The following NPAS3 variants were observed in gnomAD, a reference collection of about 807,000 sequenced individuals.
NPAS3 encodes neuronal PAS domain-containing protein 3.
NPAS3 carries 14 observed loss-of-function variants against 73.1 expected under a neutral mutation model. The observed-to-expected ratio is 0.19, with a 90% confidence interval of 0.13 to 0.30. The LOEUF (loss-of-function observed/expected upper bound fraction) is 0.30, where lower values mean the gene tolerates loss of function less well. NPAS3 is among the 10% of genes least tolerant of loss of function. The pLI is 1.00. For synonymous variants in NPAS3, 620 were observed against 541.5 expected (o/e 1.14, Z -2.01); for missense variants, 1,096 against 1,250.0 (o/e 0.88, Z 1.86).
chr14:33,315,048 G>A (rs2043152201), intron 3 of NPAS3, among the ~76,000 whole-genome samples: 1 of 152,010 alleles, frequency 6.6e-6, no homozygotes, highest in East Asian at 1.9e-4. Context: ...AATTATCTGT[G>A]TAAATACTGT....
chr14:33,795,997 G>A (rs2063502023), intron 10 of NPAS3, among the ~76,000 whole-genome samples: 3 of 152,202 alleles, frequency 2.0e-5, no homozygotes, highest in African/African-American at 7.2e-5. Context: ...AGTGATCTGT[G>A]AGCCCCCAAA....
At chr14:33,385,827 C>T (rs1180678801) in intron 4 of NPAS3, among the ~76,000 whole-genome samples, 1 of 152,164 alleles carries the variant, frequency 6.6e-6, no homozygotes, top group African/African-American at 2.4e-5. Context: ...GCTACCATGG[C>T]ATGAAGAGAC....
At chr14:33,078,093 C>T (rs1376628294) in intron 2 of NPAS3, among the ~76,000 whole-genome samples, 2 of 151,492 alleles carry the variant, frequency 1.3e-5, no homozygotes, top group African/African-American at 4.9e-5. Flanking sequence ...AAGCTGAGAT[C>T]GCGCCACTGC....
At chr14:33,115,264 A>G (rs2043024510) in intron 2 of NPAS3, among the ~76,000 whole-genome samples, 3 of 152,140 alleles carry the variant, frequency 2.0e-5, no homozygotes, top group Admixed American at 2.0e-4. Context: ...GTTTCAACAC[A>G]GTGGAAGGAT....
intron 4 of NPAS3, among the ~76,000 whole-genome samples, chr14:33,474,277 A>C (rs192045029): frequency 2.0e-5 from 3 of 152,326 alleles, no homozygotes; most frequent in Non-Finnish European, 4.4e-5. Flanking sequence ...TAATGAACTG[A>C]GTAGAAGTTT....
rs547990042 is a variant in NPAS3 at position 33,565,181 on chromosome 14, A to AT, written c.558+4979dup. ...GGTAAGTGGTTGTTTTAAATTTGGT[A>AT]TTTTTTTTAAGCCATGCAGATATAT... On this transcript the variant is annotated intron_variant, in intron 5 of 11. Transcript: ENST00000356141. 2.1e-4 allele frequency among the ~76,000 whole-genome samples: 32 copies of AT among 152,128 alleles called. 2 individuals are homozygous for AT. Among genetic ancestry groups the AT allele is most frequent in the East Asian group, 1.9e-4 (1 of 5,174 alleles).
At chr14:33,231,769 T>A (rs1291141188) in intron 3 of NPAS3, among the ~76,000 whole-genome samples, 2 of 151,850 alleles carry the variant, frequency 1.3e-5, no homozygotes, top group African/African-American at 2.4e-5. Context: ...GATATCTAAG[T>A]AAGGGGGAAA....
intron 3 of NPAS3, among the ~76,000 whole-genome samples, chr14:33,291,053 A>G (rs911680940): frequency 4.6e-5 from 7 of 152,162 alleles, no homozygotes; most frequent in Admixed American, 4.6e-4. Context: ...AGGCTTTGCA[A>G]TACGAATGGC....
At position 32,959,745 on chromosome 14, in the gene NPAS3, G is replaced by A. The variant is rs1404069157; in HGVS notation, c.50+20379G>A. Among the ~76,000 whole-genome samples, 3 of 152,060 alleles carry A rather than the reference G, an allele frequency of 2.0e-5. 1 individual carries two copies. The highest frequency in any genetic ancestry group is 4.1e-4 in the South Asian group (2 of 4,828). On this transcript the variant is annotated intron_variant, in intron 1 of 11. Coordinates refer to ENST00000356141, the Ensembl canonical transcript of NPAS3. ...AGTAACAGCATCACTACTTTGTGTC[G>A]AGATTCCCGAGTATTTTTGGGTTTA...
chr14:33,455,560 C>T (rs1247198000), intron 4 of NPAS3, among the ~76,000 whole-genome samples: 1 of 152,200 alleles, frequency 6.6e-6, no homozygotes, highest in East Asian at 1.9e-4. Flanking sequence ...AAACCAACTT[C>T]TTGAAGGCTG....
intron 9 of NPAS3, among the ~76,000 whole-genome samples, chr14:33,793,532 AT>A (rs1197569926): frequency 6.6e-6 from 1 of 152,246 alleles, no homozygotes; most frequent in Admixed American, 6.5e-5. Flanking sequence ...CTATGAATAA[AT>A]CACATACAAA....
chr14:33,703,456 TGCACTTCAGCTTGGGC>T (rs1024544487), intron 6 of NPAS3, among the ~76,000 whole-genome samples: 1 of 152,160 alleles, frequency 6.6e-6, no homozygotes, highest in Admixed American at 6.5e-5. Flanking sequence ...ATCATACTGC[TGCACTTCAGCTTGGGC>T]GACAGAGCAA....
At chr14:33,314,682 T>C (rs1400919568) in intron 3 of NPAS3, among the ~76,000 whole-genome samples, 1 of 152,048 alleles carries the variant, frequency 6.6e-6, no homozygotes, top group Non-Finnish European at 1.5e-5. Context: ...ACATATTGAA[T>C]GGATTCCAGA....
intron 6 of NPAS3, among the ~76,000 whole-genome samples, chr14:33,732,111 C>T (rs1394466051): frequency 6.6e-6 from 1 of 152,154 alleles, no homozygotes; most frequent in African/African-American, 2.4e-5. Context: ...CTCTAAAATG[C>T]TTCTTAGACA....
At chr14:32,981,663 G>T (rs2037900785) in intron 1 of NPAS3, among the ~76,000 whole-genome samples, 2 of 152,076 alleles carry the variant, frequency 1.3e-5, no homozygotes, top group Admixed American at 6.5e-5. Flanking sequence ...TTTTTGTCAA[G>T]CCGAAAAAGA....
chr14:33,041,942 C>T (rs938517664), intron 1 of NPAS3, among the ~76,000 whole-genome samples: 10 of 152,082 alleles, frequency 6.6e-5, no homozygotes, highest in Admixed American at 6.6e-4. Flanking sequence ...TTGATACCAT[C>T]TTGGGAAGCA....
chr14:33,447,916 T>TA (rs1430844453), intron 4 of NPAS3, among the ~76,000 whole-genome samples: 57 of 151,830 alleles, frequency 3.8e-4, no homozygotes, highest in Middle Eastern at 3.4e-3. Context: ...CCCTATCTCT[T>TA]AAAAAAAACA....
intron 1 of NPAS3, among the ~76,000 whole-genome samples, chr14:32,979,459 A>G (rs2037812405): frequency 6.6e-6 from 1 of 152,198 alleles, no homozygotes; most frequent in African/African-American, 2.4e-5. Flanking sequence ...TTCTCATTTT[A>G]CAATTTCAAA....
intron 5 of NPAS3, among the ~76,000 whole-genome samples, chr14:33,611,614 A>G (rs1279813798): frequency 2.0e-5 from 3 of 152,224 alleles, no homozygotes. Context: ...ATTCACTCAC[A>G]GCATGACTCA....
Sources: gnomAD v4.1 joint callset for allele counts (sites outside exome capture counted in the v4.1 genomes callset) on GRCh38, gnomAD v4.1.1 for gene constraint, MANE v1.5 for transcripts, NCBI Gene and HGNC (gene_info 2026-07-23, HGNC 2026-07-21) for gene names.